Variants in SNRPN observed in about 807,000 individuals in gnomAD.
SNRPN encodes the protein small nuclear ribonucleoprotein polypeptide N.
SNRPN carries 7 observed loss-of-function variants against 25.2 expected under a neutral mutation model. That is an observed-to-expected ratio of 0.28 (90% CI 0.16 to 0.52). The LOEUF (loss-of-function observed/expected upper bound fraction) is 0.52, where lower values mean the gene tolerates loss of function less well. Among genes scored for constraint, SNRPN ranks in the 20% least tolerant of loss-of-function variants. SNRPN has a pLI of 0.96. For missense variants in SNRPN, 196 were observed against 322.5 expected (o/e 0.61, Z 3.00); for synonymous variants, 124 against 110.6 (o/e 1.12, Z -0.76).
chr15:24,973,750 T>C (rs2076741527), intron 3 of SNRPN, among the ~76,000 whole-genome samples: 1 of 152,206 alleles, frequency 6.6e-6, no homozygotes, highest in Non-Finnish European at 1.5e-5. Flanking sequence ...ATGAAAGTTG[T>C]TTATGTGAGT....
At chr15:24,967,806 T>C (rs1246486874) in intron 2 of SNRPN, 126 bp from the exon 3 acceptor site, 2 of 700,582 alleles carry the variant, frequency 2.9e-6, no homozygotes, top group East Asian at 6.3e-5. Context: ...AGACCCTGTC[T>C]GGAAAAAAAA....
chr15:24,958,251 T>A (rs1386644562), intron 1 of SNRPN, among the ~76,000 whole-genome samples: 1 of 152,134 alleles, frequency 6.6e-6, no homozygotes, highest in East Asian at 1.9e-4. Context: ...CAAGATAACC[T>A]CCTTTGTTTA....
intron 2 of SNRPN, among the ~76,000 whole-genome samples, chr15:24,890,671 T>C (rs1270169858): frequency 6.6e-6 from 1 of 152,114 alleles, no homozygotes; most frequent in Non-Finnish European, 1.5e-5. Flanking sequence ...AGAGCGAGAC[T>C]CTGTCTCAAA....
At chr15:24,921,867 C>G (rs1566914443) in intron 3 of SNRPN, among the ~76,000 whole-genome samples, 1 of 152,048 alleles carries the variant, frequency 6.6e-6, no homozygotes, top group Non-Finnish European at 1.5e-5. Flanking sequence ...CACTGTTCCT[C>G]TTTTCCATTT....
intron 1 of SNRPN, among the ~76,000 whole-genome samples, chr15:24,955,884 G>T (rs992144648): frequency 6.6e-6 from 1 of 151,864 alleles, no homozygotes; most frequent in Admixed American, 6.6e-5. Flanking sequence ...GGGGCCTGTC[G>T]CTGTCCGGAG....
intron 2 of SNRPN, among the ~76,000 whole-genome samples, chr15:24,838,888 G>T (rs11852779): frequency 0.13 from 20,313 of 151,882 alleles, 1,547 homozygotes; most frequent in African/African-American, 0.2. Context: ...GTCACCTTGG[G>T]GAACACTGCC....
upstream of SNRPN, among the ~76,000 whole-genome samples, chr15:24,853,752 T>G (rs2053111754): frequency 6.6e-6 from 1 of 152,160 alleles, no homozygotes; most frequent in African/African-American, 2.4e-5. Flanking sequence ...ATCATACCAA[T>G]GTTACATACT....
intron 2 of SNRPN, among the ~76,000 whole-genome samples, chr15:24,887,843 G>C (rs1050249061): frequency 6.6e-6 from 1 of 152,062 alleles, no homozygotes; most frequent in Non-Finnish European, 1.5e-5. Context: ...GTTGCCAAGA[G>C]GGATAGGGTC....
chr15:24,911,041 TG>T, intron 2 of SNRPN: 3 of 1,504,216 alleles, frequency 2.0e-6, no homozygotes, highest in Non-Finnish European at 2.7e-6. Flanking sequence ...AAGTAGGAAT[TG>T]GGGCTCTGCA....
chr15:24,938,639 G>A (rs563692255), intron 3 of SNRPN, among the ~76,000 whole-genome samples: 3 of 152,324 alleles, frequency 2.0e-5, no homozygotes, highest in African/African-American at 7.2e-5. Flanking sequence ...ACCACATCAC[G>A]TGAGGAGCAC....
chr15:24,861,852 A>T (rs1379311375), intron 1 of SNRPN, among the ~76,000 whole-genome samples: 1 of 152,256 alleles, frequency 6.6e-6, no homozygotes, highest in East Asian at 1.9e-4. Flanking sequence ...AAATTAATTC[A>T]TAAGTAAATC....
chr15:24,906,691 CT>C (rs750883419), intron 2 of SNRPN, among the ~76,000 whole-genome samples: 6 of 152,110 alleles, frequency 3.9e-5, no homozygotes, highest in African/African-American at 1.2e-4. Context: ...ATCTCAATTT[CT>C]GAGGTGCCAT....
chr15:24,845,577 G>T (rs150791878), intron 2 of SNRPN, among the ~76,000 whole-genome samples: 2,107 of 152,006 alleles, frequency 0.014, 56 homozygotes, highest in African/African-American at 0.048. Context: ...CAGCCTGGGC[G>T]ACAAGAGCAA....
chr15:24,836,728 G>C (rs980767671), intron 2 of SNRPN, among the ~76,000 whole-genome samples: 1 of 152,052 alleles, frequency 6.6e-6, no homozygotes, highest in Non-Finnish European at 1.5e-5. Flanking sequence ...TGCATTTAAT[G>C]TAAGTTTTAT....
At chr15:24,941,274 G>T (rs2061539560) in intron 3 of SNRPN, among the ~76,000 whole-genome samples, 1 of 152,174 alleles carries the variant, frequency 6.6e-6, no homozygotes, top group South Asian at 2.1e-4. Flanking sequence ...ACTGCACCCG[G>T]CCTAACAATG....
At chr15:24,915,968 CTT>C (rs35835568) in intron 2 of SNRPN, among the ~76,000 whole-genome samples, 210 of 97,364 alleles carry the variant, frequency 2.2e-3, no homozygotes, top group African/African-American at 3.0e-3. Flanking sequence ...GCCAGGTTGA[CTT>C]TTTTTTTTTT....
At chr15:24,943,461 G>C (rs73354168) in intron 3 of SNRPN, among the ~76,000 whole-genome samples, 4 of 152,058 alleles carry the variant, frequency 2.6e-5, no homozygotes, top group South Asian at 2.1e-4. Flanking sequence ...TAGCAGGAGT[G>C]GGGGCCGTGG....
chr15:24,867,667 C>A (rs2054708542), intron 1 of SNRPN, among the ~76,000 whole-genome samples: 1 of 152,120 alleles, frequency 6.6e-6, no homozygotes, highest in Non-Finnish European at 1.5e-5. Context: ...AGCCACTGCG[C>A]CCGGCCTTAA....
chr15:24,947,661 C>G (rs2061966093), intron 3 of SNRPN, among the ~76,000 whole-genome samples: 1 of 152,154 alleles, frequency 6.6e-6, no homozygotes, highest in South Asian at 2.1e-4. Context: ...AAAACATAAC[C>G]TAATTTTATA....
Sources: allele counts gnomAD v4.1 joint callset (sites outside exome capture counted in the v4.1 genomes callset), GRCh38; gene constraint gnomAD v4.1.1; transcripts MANE v1.5; gene names NCBI Gene and HGNC (gene_info 2026-07-23, HGNC 2026-07-21).